STX8: variants seen among roughly 807,000 people sequenced by gnomAD.
STX8 encodes the protein syntaxin-8.
In STX8, 23 loss-of-function variants were observed where a neutral mutation model predicts 37.5. The ratio of observed to expected loss-of-function variants is 0.61; its 90% CI spans 0.44 to 0.87. STX8 has a LOEUF of 0.87. Among genes scored for constraint, STX8 ranks in the 40% least tolerant of loss-of-function variants. The pLI, the probability that STX8 is intolerant of heterozygous loss-of-function variation, is 0.00. For synonymous variants in STX8, 115 were observed against 99.1 expected (o/e 1.16, Z -0.95); for missense variants, 313 against 284.7 (o/e 1.10, Z -0.71).
At chr17:9,298,359 T>C (rs1908641921) in intron 7 of STX8, among the ~76,000 whole-genome samples, 1 of 152,114 alleles carries the variant, frequency 6.6e-6, no homozygotes. Context: ...CACAGGAGAG[T>C]TCCTGGCAAT....
chr17:9,367,631 CCCAAA>C (rs1422635809), intron 7 of STX8, among the ~76,000 whole-genome samples: 3 of 152,262 alleles, frequency 2.0e-5, no homozygotes, highest in Admixed American at 2.0e-4. Flanking sequence ...AACTAAGGCC[CCCAAA>C]CCAGGAACAC....
chr17:9,525,918 T>A (rs2142533257), intron 4 of STX8, among the ~76,000 whole-genome samples: 1 of 152,326 alleles, frequency 6.6e-6, no homozygotes, highest in African/African-American at 2.4e-5. Context: ...CATGGTTACC[T>A]TCATTTTCCT....
intron 6 of STX8, among the ~76,000 whole-genome samples, chr17:9,434,224 C>T (rs1394912068): frequency 2.0e-5 from 3 of 152,116 alleles, no homozygotes; most frequent in Non-Finnish European, 4.4e-5. Flanking sequence ...AGGAGGGTCT[C>T]GATCTCTGGA....
At chr17:9,316,987 A>C (rs1401163900) in intron 7 of STX8, among the ~76,000 whole-genome samples, 2 of 152,210 alleles carry the variant, frequency 1.3e-5, no homozygotes, top group Non-Finnish European at 2.9e-5. Flanking sequence ...TGGAATAGGA[A>C]AAGACAGTCG....
chr17:9,562,835 G>A (rs1253668225), intron 2 of STX8, among the ~76,000 whole-genome samples: 1 of 152,038 alleles, frequency 6.6e-6, no homozygotes, highest in East Asian at 1.9e-4. Context: ...CCCTTTGAGG[G>A]GGGATTTCAC....
intron 7 of STX8, among the ~76,000 whole-genome samples, chr17:9,310,070 G>C (rs1323920173): frequency 6.6e-6 from 1 of 152,024 alleles, no homozygotes; most frequent in East Asian, 1.9e-4. Flanking sequence ...GAAAGAAAAA[G>C]TCTAGGAAAG....
At chr17:9,287,890 A>G (rs555743613) in intron 7 of STX8, among the ~76,000 whole-genome samples, 39 of 152,026 alleles carry the variant, frequency 2.6e-4, no homozygotes, top group South Asian at 1.7e-3. Context: ...AGCTGGGATT[A>G]CAGGTGAGCA....
chr17:9,542,217 G>T (rs1472928897), intron 4 of STX8, among the ~76,000 whole-genome samples: 2 of 151,928 alleles, frequency 1.3e-5, no homozygotes, highest in African/African-American at 2.4e-5. Flanking sequence ...AATTAGCCAG[G>T]CGTGGTAGTG....
intron 6 of STX8, among the ~76,000 whole-genome samples, chr17:9,481,168 C>A (rs1012562428): frequency 1.3e-5 from 2 of 152,118 alleles, no homozygotes; most frequent in South Asian, 2.1e-4. Flanking sequence ...TAGGCGTGAA[C>A]CACCGTGCCC....
intron 7 of STX8, among the ~76,000 whole-genome samples, chr17:9,264,351 C>A (rs1020837404): frequency 2.6e-5 from 4 of 152,232 alleles, no homozygotes; most frequent in African/African-American, 9.6e-5. Flanking sequence ...GTCGCCCAGG[C>A]TGGAGTGCAG....
intron 6 of STX8, among the ~76,000 whole-genome samples, chr17:9,383,566 C>T (rs1245144596): frequency 1.3e-5 from 2 of 152,132 alleles, no homozygotes; most frequent in Non-Finnish European, 2.9e-5. Flanking sequence ...AGATCAGGAA[C>T]AAGGCTATGA....
chr17:9,472,812 C>T (rs1905927698), intron 6 of STX8, among the ~76,000 whole-genome samples: 1 of 152,154 alleles, frequency 6.6e-6, no homozygotes, highest in African/African-American at 2.4e-5. Context: ...AGTGTTTCCA[C>T]AGCTTTTCCT....
At chr17:9,309,292 G>T (rs1909110928) in intron 7 of STX8, among the ~76,000 whole-genome samples, 1 of 152,066 alleles carries the variant, frequency 6.6e-6, no homozygotes. Context: ...TGTGATAAAG[G>T]GTGTTTTCAA....
chr17:9,431,575 G>A (rs761668206), intron 6 of STX8, among the ~76,000 whole-genome samples: 5 of 152,158 alleles, frequency 3.3e-5, no homozygotes, highest in African/African-American at 7.2e-5. Context: ...GATTACAGGC[G>A]TGAGCCACCG....
Position 9,257,367 on chromosome 17 carries a change from A to T in STX8, c.644-6722T>A, listed in dbSNP as rs549776105. Among the ~76,000 whole-genome samples, 3 of 152,264 alleles carry T rather than the reference A, an allele frequency of 2.0e-5. No individual in the cohort carries two copies. In the South Asian group the frequency reaches 6.2e-4, roughly 32 times the overall value. On this transcript the variant is annotated intron_variant, in intron 7 of 7. Coordinates refer to ENST00000306357, the MANE Select transcript of STX8 (RefSeq NM_004853.3). ...CATGGTCCATACTTTTTTCCAGTGA[A>T]ACACTGGAAACGAGCAAAATACGGA...
At chr17:9,311,908 CG>C (rs1567779221) in intron 7 of STX8, among the ~76,000 whole-genome samples, 8 of 151,908 alleles carry the variant, frequency 5.3e-5, no homozygotes, top group Non-Finnish European at 1.5e-5. Flanking sequence ...AGTGCAGCAG[CG>C]TGATCTTGGC....
At chr17:9,463,836 A>G (rs968729793) in intron 6 of STX8, among the ~76,000 whole-genome samples, 14 of 151,250 alleles carry the variant, frequency 9.3e-5, no homozygotes, top group Non-Finnish European at 2.1e-4. Flanking sequence ...TGAACCCGGG[A>G]GGCAGAGGTT....
rs144543717 is a variant in STX8, at chr17:9,575,561, G to C, written c.17+231C>G. The stretch of plus-strand genomic sequence containing the variant: ...AGCTAAAGGAATATTCAGAGATTTG[G>C]CGTAAGTCCTCAGCTCTCCAGCGGA... On this transcript the variant is annotated intron_variant, in intron 1 of 7. Transcript: ENST00000306357. Among the ~76,000 whole-genome samples, 7 of 152,310 alleles carry C rather than the reference G, an allele frequency of 4.6e-5. No homozygotes were observed. The East Asian group carries it at 1.3e-3, about 29-fold the overall frequency.
chr17:9,330,873 T>G (rs1411916545), intron 7 of STX8, among the ~76,000 whole-genome samples: 6 of 151,820 alleles, frequency 4.0e-5, no homozygotes, highest in African/African-American at 1.5e-4. Context: ...CGCTTACATC[T>G]TCAGAGAACC....
Sources: gnomAD v4.1 joint callset for allele counts (sites outside exome capture counted in the v4.1 genomes callset) on GRCh38, gnomAD v4.1.1 for gene constraint, MANE v1.5 for transcripts, NCBI Gene and HGNC (gene_info 2026-07-23, HGNC 2026-07-21) for gene names.